KCNS3: variants seen among roughly 807,000 people sequenced by gnomAD.
The protein encoded by KCNS3 is delayed-rectifier potassium channel regulatory subunit KCNS3.
Under a neutral mutation model 31.0 loss-of-function variants are expected in KCNS3, and 13 were observed. The observed-to-expected ratio is 0.42, with a 90% CI of 0.27 to 0.67. KCNS3 has a LOEUF of 0.67. KCNS3 is among the 30% of genes least tolerant of loss of function. KCNS3 has a pLI of 0.25. For missense variants in KCNS3, 545 were observed against 622.4 expected, an observed-to-expected ratio of 0.88 and a Z score of 1.32; for synonymous variants, 238 against 241.5, an observed-to-expected ratio of 0.99 and a Z score of 0.13.
At chr2:17,904,928 G>A (rs1662279841) in intron 1 of KCNS3, among the ~76,000 whole-genome samples, 1 of 152,204 alleles carries the variant, frequency 6.6e-6, no homozygotes, top group Non-Finnish European at 1.5e-5. Context: ...GCTTAGGATT[G>A]TCTTGGTAAT....
Sources: gnomAD v4.1 joint callset for allele counts (sites outside exome capture counted in the v4.1 genomes callset) on GRCh38, gnomAD v4.1.1 for gene constraint, MANE v1.5 for transcripts, NCBI Gene and HGNC (gene_info 2026-07-23, HGNC 2026-07-21) for gene names.